GRM7: variants seen among roughly 807,000 people sequenced by gnomAD.
The protein encoded by GRM7 is glutamate metabotropic receptor 7.
Under a neutral mutation model 84.5 loss-of-function variants are expected in GRM7, and 35 were observed. The observed-to-expected ratio is 0.41, with a 90% CI of 0.32 to 0.55. GRM7 has a LOEUF of 0.55. Among genes scored for constraint, GRM7 ranks in the 20% least tolerant of loss-of-function variants. GRM7 has a pLI of 0.19. For missense variants in GRM7, 1,003 were observed against 1,194.6 expected, an observed-to-expected ratio of 0.84 and a Z score of 2.36; for synonymous variants, 487 against 455.1, an observed-to-expected ratio of 1.07 and a Z score of -0.89.
intron 1 of GRM7, among the ~76,000 whole-genome samples, chr3:7,073,234 C>G (rs1355685294): frequency 6.6e-6 from 1 of 151,894 alleles, no homozygotes; most frequent in Non-Finnish European, 1.5e-5. Context: ...TAGTTAAATG[C>G]ATCCAAGATA....
At chr3:7,484,275 A>C (rs1699241242) in intron 7 of GRM7, among the ~76,000 whole-genome samples, 1 of 152,186 alleles carries the variant, frequency 6.6e-6, no homozygotes, top group Admixed American at 6.5e-5. Context: ...CTCTTCAATG[A>C]GGCTGGAGAA....
chr3:7,113,374 G>C (rs938963790), intron 1 of GRM7, among the ~76,000 whole-genome samples: 1 of 152,028 alleles, frequency 6.6e-6, no homozygotes, highest in Non-Finnish European at 1.5e-5. Context: ...ACACAGCCTC[G>C]TTCCTTATCT....
chr3:6,952,449 C>G (rs1432616099), intron 1 of GRM7, among the ~76,000 whole-genome samples: 2 of 152,048 alleles, frequency 1.3e-5, no homozygotes, highest in Non-Finnish European at 1.5e-5. Context: ...GTGTGCAGCT[C>G]TATTATTTCT....
At chr3:7,485,402 C>A (rs1019119679) in intron 7 of GRM7, among the ~76,000 whole-genome samples, 8 of 152,182 alleles carry the variant, frequency 5.3e-5, no homozygotes, top group Non-Finnish European at 1.0e-4. Flanking sequence ...CTATTAGATT[C>A]ATCAAGTTGG....
intron 9 of GRM7, among the ~76,000 whole-genome samples, chr3:7,716,952 T>A (rs555189852): frequency 6.6e-6 from 1 of 152,310 alleles, no homozygotes; most frequent in Non-Finnish European, 1.5e-5. Context: ...GTACTCTGTT[T>A]ACTTGATGAG....
At chr3:7,681,573 A>T (rs1700369663) in intron 9 of GRM7, 1 of 152,218 alleles carries the variant, frequency 6.6e-6, no homozygotes, top group Non-Finnish European at 1.5e-5. Flanking sequence ...TTGTGACAGA[A>T]GTCCTAGGAC....
intron 7 of GRM7, among the ~76,000 whole-genome samples, chr3:7,493,509 A>G (rs1486455082): frequency 1.3e-5 from 2 of 151,958 alleles, no homozygotes; most frequent in African/African-American, 4.8e-5. Flanking sequence ...TTAAAAAATA[A>G]TGTTTACATG....
intron 2 of GRM7, among the ~76,000 whole-genome samples, chr3:7,155,820 G>A (rs981806855): frequency 6.6e-5 from 10 of 152,076 alleles, no homozygotes; most frequent in African/African-American, 2.2e-4. Flanking sequence ...AATAGTAGCC[G>A]TCCCAAACAC....
chr3:7,263,155 G>A (rs1350446661), intron 2 of GRM7, among the ~76,000 whole-genome samples: 1 of 152,158 alleles, frequency 6.6e-6, no homozygotes, highest in Non-Finnish European at 1.5e-5. Flanking sequence ...GGTGGATTCG[G>A]TCAACTGGCT....
At chr3:7,581,740 G>A (rs931291287) in intron 8 of GRM7, among the ~76,000 whole-genome samples, 2 of 152,150 alleles carry the variant, frequency 1.3e-5, no homozygotes, top group African/African-American at 4.8e-5. Context: ...AGTGAGTTCA[G>A]TAATAACAAT....
chr3:7,270,897 T>C lies in GRM7; in HGVS notation c.737-27787T>C, dbSNP rs141248491. The stretch of plus-strand genomic sequence containing the variant: ...ACAATGTGTCTTCTGGTAGCTATTT[T>C]GGTCCCAGTCCACCTGGATCTTGGG... On this transcript the variant is annotated intron_variant, in intron 2 of 9. Coordinates refer to ENST00000357716, the MANE Select transcript of GRM7 (RefSeq NM_000844.4). 3.6e-3 allele frequency among the ~76,000 whole-genome samples: 555 copies of C among 152,334 alleles called. 1 individual carries two copies. The highest frequency in any genetic ancestry group is 0.013 in the African/African-American group (531 of 41,582).
chr3:7,638,558 C>T (rs755678856), intron 8 of GRM7, among the ~76,000 whole-genome samples: 1 of 152,178 alleles, frequency 6.6e-6, no homozygotes, highest in Non-Finnish European at 1.5e-5. Context: ...CCTGTAAGAT[C>T]ACCTCTTTTC....
intron 4 of GRM7, 71 bp downstream of exon 4, chr3:7,306,723 C>G (rs752421821): frequency 7.5e-7 from 1 of 1,341,750 alleles, no homozygotes; most frequent in Non-Finnish European, 1.0e-6. Context: ...AAGCATGTGA[C>G]TTTTTAGGGG....
chr3:7,431,306 G>A (rs1299956486), intron 5 of GRM7, among the ~76,000 whole-genome samples: 1 of 152,112 alleles, frequency 6.6e-6, no homozygotes, highest in Non-Finnish European at 1.5e-5. Flanking sequence ...AAAGAATCCA[G>A]ACCCCCAACC....
intron 7 of GRM7, among the ~76,000 whole-genome samples, chr3:7,496,362 A>C (rs564072988): frequency 2.0e-5 from 3 of 152,206 alleles, no homozygotes; most frequent in Non-Finnish European, 4.4e-5. Flanking sequence ...GCTTAATTGT[A>C]ATCTTATCAT....
intron 8 of GRM7, among the ~76,000 whole-genome samples, chr3:7,623,627 C>A (rs1198728562): frequency 1.3e-5 from 2 of 152,078 alleles, no homozygotes; most frequent in African/African-American, 4.8e-5. Flanking sequence ...GCAGATCAGG[C>A]CAACCATCTG....
chr3:7,114,972 C>G (rs902130614), intron 1 of GRM7, among the ~76,000 whole-genome samples: 2 of 152,026 alleles, frequency 1.3e-5, no homozygotes, highest in African/African-American at 4.8e-5. Context: ...AGAAGGAGCT[C>G]GGATGAGGTA....
At chr3:7,529,907 C>A (rs62235175) in intron 7 of GRM7, among the ~76,000 whole-genome samples, 3 of 80,372 alleles carry the variant, frequency 3.7e-5, no homozygotes, top group African/African-American at 1.1e-4. Context: ...CTGTTAGGAC[C>A]TTTTCTTTTT....
At chr3:7,456,532 A>G (rs1362652409) in intron 6 of GRM7, among the ~76,000 whole-genome samples, 1 of 151,632 alleles carries the variant, frequency 6.6e-6, no homozygotes, top group Non-Finnish European at 1.5e-5. Flanking sequence ...CTAGGTAGCG[A>G]TGATGTTATA....
Sources: allele counts gnomAD v4.1 joint callset (sites outside exome capture counted in the v4.1 genomes callset), GRCh38; gene constraint gnomAD v4.1.1; transcripts MANE v1.5; gene names NCBI Gene and HGNC (gene_info 2026-07-23, HGNC 2026-07-21).